The following MUC5B variants were observed in gnomAD, a reference collection of about 807,000 sequenced individuals.
The protein encoded by MUC5B is mucin 5B, oligomeric mucus/gel-forming, also known as mucin-5B.
Under a neutral mutation model 376.9 loss-of-function variants are expected in MUC5B, and 116 were observed. That is an observed-to-expected ratio of 0.31 (90% CI 0.26 to 0.36). MUC5B has a LOEUF of 0.36. Among genes scored for constraint, MUC5B ranks in the 10% least tolerant of loss-of-function variants. The pLI is 1.00. For synonymous variants in MUC5B, 3,517 were observed against 3,390.9 expected (o/e 1.04, Z -1.29); for missense variants, 7,165 against 7,769.9 (o/e 0.92, Z 2.93).
chr11:1,242,574 C>A lies in MUC5B; in HGVS notation c.5694C>A (p.Ser1898=), dbSNP rs1015471021. ...CCACCAGCTCCACGGCCACGCCCTCCTCAACTCCGGGGACGACCTGGATCC... is the reference window on the plus strand; with the variant it reads ...CCACCAGCTCCACGGCCACGCCCTCATCAACTCCGGGGACGACCTGGATCC... ...TPATSSTATP[S]STPGTTWILT... Residue 1898 remains serine, a synonymous_variant, in exon 31 of 49, where the codon TCC becomes TCA. Transcript: ENST00000529681. The A allele has an allele frequency of 1.2e-6, 2 of 1,613,716 alleles. No homozygotes were observed. The highest frequency in any genetic ancestry group is 2.7e-5 in the African/African-American group (2 of 74,840).
chr11:1,241,094 T>G lies in MUC5B; in HGVS notation c.4214T>G (p.Leu1405Arg), dbSNP rs1862270977. Residue 1405 changes from leucine to arginine, a missense_variant, in exon 31 of 49, where the codon CTG (leucine) becomes CGG (arginine). By Grantham distance (102) the Leu-to-Arg change is moderately radical (BLOSUM62 -2). This residue lies in a region of MUC5B where 517 missense variants were observed against 545.3 expected (regional missense o/e 0.95). Coordinates refer to ENST00000529681, the MANE Select transcript of MUC5B (RefSeq NM_002458.3). ...GTGGACTGTGACCGCATGCGGGGGC[T>G]GATGTGCGCCAACAGCCAACAGAGT... ...QQVDCDRMRGLMCANSQQSPP... is the reference protein window; with the variant it reads ...QQVDCDRMRGRMCANSQQSPP... 6.2e-7 allele frequency: 1 copy of G among 1,612,118 alleles called. No individual in the cohort carries two copies. Among genetic ancestry groups the G allele is most frequent in the South Asian group, 1.1e-5 (1 of 91,002 alleles).
chr11:1,231,288 A>G (rs1393124447), intron 13 of MUC5B, 135 bp from the exon 14 acceptor site: 2 of 1,114,186 alleles, frequency 1.8e-6, no homozygotes, highest in East Asian at 2.7e-5. Context: ...AGGGAGCCTG[A>G]GGGCTCCTGG....
intron 34 of MUC5B, 50 bp downstream of exon 34, chr11:1,254,401 C>G: frequency 6.3e-7 from 1 of 1,584,184 alleles, no homozygotes; most frequent in South Asian, 1.1e-5. Flanking sequence ...CCAACCGCAC[C>G]TGGGCAGGCC....
chr11:1,249,819 C>T lies in MUC5B; in HGVS notation c.12939C>T (p.Ser4313=). ...CAACCACCCTTCCAGTGCTGACAAG[C>T]ACAGCCACCAAATCCACAGCTACCA... The part of the protein sequence containing the change: ...RTATTLPVLT[S]TATKSTATSV... The change falls in exon 31 of 49, where the codon AGC becomes AGT. Residue 4313 remains serine (S), a synonymous_variant. Transcript: ENST00000529681. The T allele has an allele frequency of 1.2e-6, 2 of 1,613,606 alleles. No homozygotes were observed. Among genetic ancestry groups the T allele is most frequent in the African/African-American group, 1.3e-5 (1 of 74,964 alleles).
Position 1,242,055 on chromosome 11 carries a change from C to T in MUC5B, c.5175C>T (p.Ser1725=). The T allele has an allele frequency of 2.5e-6, 4 of 1,598,028 alleles. No individual in the cohort carries two copies. The highest frequency in any genetic ancestry group is 1.1e-5 in the South Asian group (1 of 89,206). ...PTLAPTTMAT[S]RARPTGTAST... is the part of the protein sequence containing the mutation. ...TGGCCCCAACAACAATGGCAACCTCCAGAGCTCGCCCGACAGGCACAGCCA... is the reference window on the plus strand; with the variant it reads ...TGGCCCCAACAACAATGGCAACCTCTAGAGCTCGCCCGACAGGCACAGCCA... Residue 1725 remains serine (S), a synonymous_variant, in exon 31 of 49, where the codon TCC becomes TCT. Transcript: ENST00000529681.
At position 1,243,238 on chromosome 11, in the gene MUC5B, C is replaced by A. The variant is rs1442612217; in HGVS notation, c.6358C>A (p.Pro2120Thr). ...TGTGGCCACTGGTTCTATGGCAACA[C>A]CCTCCTCTAGCACACAGACCAGTGG... is the stretch of plus-strand genomic sequence containing the variant. ...TTVATGSMAT[P>T]SSSTQTSGTP... Residue 2120 changes from proline to threonine, a missense_variant, in exon 31 of 49, where the codon CCC (proline) becomes ACC (threonine). Physicochemically the swap from Pro to Thr is conservative, Grantham distance 38 (BLOSUM62 -1). Around this residue, in one of 31 missense-constraint regions of MUC5B, gnomAD observed 897 missense variants for 779.6 expected, o/e 1.15. Coordinates refer to ENST00000529681, the MANE Select transcript of MUC5B (RefSeq NM_002458.3). 4 of 1,560,776 alleles carry A rather than the reference C, an allele frequency of 2.6e-6. No individual in the cohort carries two copies. The highest frequency in any genetic ancestry group is 2.7e-5 in the African/African-American group (2 of 72,916).
chr11:1,252,440 C>G lies in MUC5B; in HGVS notation c.14961C>G (p.Pro4987=), dbSNP rs200425116. 5.2e-5 allele frequency: 84 copies of G among 1,610,836 alleles called. No individual in the cohort carries two copies. Among genetic ancestry groups the G allele is most frequent in the Non-Finnish European group, 7.0e-5 (83 of 1,178,940 alleles). The change falls in exon 32 of 49, where the codon CCC becomes CCG. Residue 4987 remains proline (P), a synonymous_variant. Transcript: ENST00000529681. Reference sequence around the variant, plus strand: ...TTGACCGCTTCCAGGGCGCCTGTCCCACCTCCCCACCGCCAGTGTCCTCCG... The same window carrying G: ...TTGACCGCTTCCAGGGCGCCTGTCCGACCTCCCCACCGCCAGTGTCCTCCG... ...CDIDRFQGAC[P]TSPPPVSSAP...
intron 1 of MUC5B, 199 bp downstream of exon 1, chr11:1,223,392 G>A (rs943376880): frequency 1.5e-6 from 1 of 683,314 alleles, no homozygotes; most frequent in Non-Finnish European, 2.7e-6. Context: ...GAAACTCAGG[G>A]GCTGGCTTGG....
rs202035921 is a variant in MUC5B at position 1,237,129 on chromosome 11, C to T, written c.3262C>T (p.Leu1088Phe). 6.6e-4 allele frequency: 968 copies of T among 1,468,022 alleles called. 6 individuals carry two copies. Among genetic ancestry groups the T allele is most frequent in the Non-Finnish European group, 2.6e-4 (283 of 1,103,034 alleles). The allele number at this position is 1,468,022 out of a possible 1,614,324, so 90.9% of individuals were successfully genotyped here. ...KSWAQKQCSI[L>F]HGPTFAACRS... ...CTGGGCCCAGAAGCAGTGCAGCATC[C>T]TCCACGGCCCCACCTTCGCCGCCTG... Residue 1088 changes from leucine to phenylalanine, a missense_variant, in exon 25 of 49, where the codon CTC (leucine) becomes TTC (phenylalanine). Physicochemically the swap from Leu to Phe is conservative, Grantham distance 22. Coordinates refer to ENST00000529681, the MANE Select transcript of MUC5B (RefSeq NM_002458.3).
At chr11:1,229,372 C>A (rs553770495) in intron 9 of MUC5B, 77 bp downstream of exon 9, 6 of 1,434,088 alleles carry the variant, frequency 4.2e-6, no homozygotes, top group South Asian at 1.4e-5. Flanking sequence ...CCTCATCAGG[C>A]GTGGAAGCAG....
At position 1,257,630 on chromosome 11, in the gene MUC5B, C is replaced by T; in HGVS notation, c.16370C>T (p.Pro5457Leu). The change falls in exon 41 of 49, where the codon CCC becomes CTC. Residue 5457 changes from proline (P) to leucine (L), a missense_variant. Coordinates refer to ENST00000529681, the MANE Select transcript of MUC5B (RefSeq NM_002458.3). The surrounding 1 kb of genome is among the most constrained non-coding windows in gnomAD (Gnocchi z 8.9). ...CTGCCCTGTGACGCCCAGGGTCAGC[C>T]CCCGCCGTGCAACCGTCCCGGCTTC... ...KPLPCDAQGQ[P>L]PPCNRPGFVT... 6.2e-7 allele frequency: 1 copy of T among 1,600,654 alleles called. No individual in the cohort carries two copies. Among genetic ancestry groups the T allele is most frequent in the Non-Finnish European group, 8.5e-7 (1 of 1,178,764 alleles).
Position 1,245,840 on chromosome 11 carries a change from C to T in MUC5B, c.8960C>T (p.Pro2987Leu). The T allele has an allele frequency of 6.2e-7, 1 of 1,613,578 alleles. No homozygotes were observed. Among genetic ancestry groups the T allele is most frequent in the Middle Eastern group, 1.6e-4 (1 of 6,062 alleles). The part of the protein sequence containing the change: ...TSSTATPSST[P>L]GTTWILTEQT... ...TCTACGGCCACGCCCTCCTCCACTC[C>T]AGGGACGACCTGGATCCTCACAGAG... Residue 2987 changes from proline (P) to leucine (L), a missense_variant, in exon 31 of 49, where the codon CCA (proline) becomes CTA (leucine). Physicochemically the swap from Pro to Leu is moderately conservative, Grantham distance 98. Coordinates refer to ENST00000529681, the MANE Select transcript of MUC5B (RefSeq NM_002458.3).
chr11:1,251,866 C>A, intron 31 of MUC5B, 123 bp downstream of exon 31: 1 of 744,580 alleles, frequency 1.3e-6, no homozygotes, highest in Non-Finnish European at 2.2e-6. Flanking sequence ...ACTGGCCTCA[C>A]TTGGCCCCTC....
At position 1,242,418 on chromosome 11, in the gene MUC5B, G is replaced by A. The variant is rs151293115; in HGVS notation, c.5538G>A (p.Val1846=). ...PEVSIDQVGQ[V]LTCSLETGLT... ...TAAGCATCGACCAGGTCGGGCAGGT[G>A]CTGACCTGCAGCCTGGAGACGGGGC... The change falls in exon 31 of 49, where the codon GTG becomes GTA. Residue 1846 remains valine (V), a synonymous_variant. Coordinates refer to ENST00000529681, the MANE Select transcript of MUC5B (RefSeq NM_002458.3). The A allele has an allele frequency of 3.1e-3, 5,075 of 1,613,874 alleles. 13 individuals carry two copies. The highest frequency in any genetic ancestry group is 4.1e-3 in the Non-Finnish European group (4,838 of 1,179,846).
Position 1,244,510 on chromosome 11 carries a change from TC to T in MUC5B, c.7633del (p.Leu2545TrpfsTer65). 6.5e-7 allele frequency: 1 copy of T among 1,527,840 alleles called. No individual in the cohort carries two copies. Among genetic ancestry groups the T allele is most frequent in the Non-Finnish European group, 8.9e-7 (1 of 1,118,048 alleles). 94.6% of individuals were successfully genotyped at this position (1,527,840 alleles called of 1,614,324 possible). A position where few individuals can be genotyped will look rare whatever the true frequency, so the allele number is the denominator to read the frequency against. On this transcript the variant is annotated frameshift_variant, in exon 31 of 49. Coordinates refer to ENST00000529681, the MANE Select transcript of MUC5B (RefSeq NM_002458.3). LOFTEE classifies it high-confidence loss of function. Reference protein sequence around the residue: ...ATSFTAIPSSSLGTTWTRLSQ... With the variant: ...ATSFTAIPSSXLGTTWTRLSQ... ...CAGCTTTACAGCCATCCCCTCCTCC[TC>T]CCTGGGCACCACCTGGACCCGCCTA... is the stretch of plus-strand genomic sequence containing the variant.
In MUC5B at chr11:1,250,552, A is replaced by C. The variant is rs1248650429; in HGVS notation, c.13672A>C (p.Thr4558Pro). The C allele has an allele frequency of 1.2e-6, 2 of 1,613,022 alleles. No homozygotes were observed. Among genetic ancestry groups the C allele is most frequent in the Non-Finnish European group, 1.7e-6 (2 of 1,179,694 alleles). Residue 4558 changes from threonine (T) to proline (P), a missense_variant, in exon 31 of 49, where the codon ACT (threonine) becomes CCT (proline). By Grantham distance (38) the Thr-to-Pro change is conservative. Coordinates refer to ENST00000529681, the MANE Select transcript of MUC5B (RefSeq NM_002458.3). ...STATPSSTPE[T>P]VHTSTVLTAT... ...AGCCACACCCTCCTCCACTCCAGAG[A>C]CTGTCCACACCTCCACAGTGCTTAC...
In MUC5B at chr11:1,234,248, G is replaced by A. The variant is rs778182481; in HGVS notation, c.2421G>A (p.Ser807=). 79 of 1,607,204 alleles carry A rather than the reference G, an allele frequency of 4.9e-5. No homozygotes were observed. The highest frequency in any genetic ancestry group is 1.6e-4 in the South Asian group (14 of 89,670). ...PMVYLDCSNS[S]AGTPGAECLR... Reference sequence around the variant, plus strand: ...TGTACCTGGACTGCAGCAACAGCTCGGCGGGCACCCCTGGGGCCGAGTGCC... The same window carrying A: ...TGTACCTGGACTGCAGCAACAGCTCAGCGGGCACCCCTGGGGCCGAGTGCC... The change falls in exon 20 of 49, where the codon TCG becomes TCA. Residue 807 remains serine, a synonymous_variant. Transcript: ENST00000529681. This position sits in a 1 kb window ranked among gnomAD's most constrained non-coding sequence, Gnocchi z 6.3.
Position 1,261,966 on chromosome 11 carries a change from G to A in MUC5B, c.*358G>A, listed in dbSNP as rs1017624730. On this transcript the variant is annotated 3_prime_UTR_variant, in exon 49 of 49. Coordinates refer to ENST00000529681, the MANE Select transcript of MUC5B (RefSeq NM_002458.3). ...CGCAGCACGGATTCCAGCTGGCCAC[G>A]TCCGGCCGCTGGGGCAGACAGGCTG... 11 of 500,876 alleles carry A rather than the reference G, an allele frequency of 2.2e-5. No homozygotes were observed. The highest frequency in any genetic ancestry group is 4.6e-5 in the Admixed American group (2 of 43,596). 31.0% of individuals were successfully genotyped at this position (500,876 alleles called of 1,614,324 possible).
rs371572037 is a variant in MUC5B at position 1,229,252 on chromosome 11, G to A, written c.1059G>A (p.Gln353=). The A allele has an allele frequency of 5.0e-5, 79 of 1,592,124 alleles. No homozygotes were observed. Among genetic ancestry groups the A allele is most frequent in the Non-Finnish European group, 6.7e-5 (78 of 1,172,702 alleles). Residue 353 remains glutamine, a synonymous_variant, in exon 9 of 49, where the codon CAG becomes CAA. Coordinates refer to ENST00000529681, the MANE Select transcript of MUC5B (RefSeq NM_002458.3). The part of the protein sequence containing the change: ...TDTCSNPQRA[Q]LCEDHCVDGC... Reference sequence around the variant, plus strand: ...CCTGCTCCAACCCCCAGCGCGCGCAGCTCTGCGAGGACCACTGTGTGGACG... The same window carrying A: ...CCTGCTCCAACCCCCAGCGCGCGCAACTCTGCGAGGACCACTGTGTGGACG...
Sources: gnomAD v4.1 joint callset for allele counts on GRCh38, gnomAD v4.1.1 for gene constraint, gnomAD v4.1.1 regional missense constraint, Gnocchi (gnomAD v3.1) non-coding constraint, MANE v1.5 for transcripts, NCBI Gene and HGNC (gene_info 2026-07-23, HGNC 2026-07-21) for gene names.